CDK14: variants seen among roughly 807,000 people sequenced by gnomAD.
CDK14 encodes the protein cyclin-dependent kinase 14.
CDK14 carries 34 observed loss-of-function variants against 60.7 expected under a neutral mutation model. That is an observed-to-expected ratio of 0.56 (90% CI 0.43 to 0.75). CDK14 has a LOEUF of 0.75. Ranked by LOEUF, CDK14 falls within the 30% of genes least tolerant of loss-of-function variation. The pLI, the probability that CDK14 is intolerant of heterozygous loss-of-function variation, is 0.00. For missense variants in CDK14, 482 were observed against 564.1 expected, an observed-to-expected ratio of 0.85 and a Z score of 1.47; for synonymous variants, 197 against 203.7, an observed-to-expected ratio of 0.97 and a Z score of 0.28.
chr7:90,621,613 T>C (rs1170660984), intron 2 of CDK14, among the ~76,000 whole-genome samples: 5 of 128,266 alleles, frequency 3.9e-5, no homozygotes, highest in African/African-American at 9.0e-5. Flanking sequence ...TCAGACTTTT[T>C]TTCCTTCCTT....
intron 4 of CDK14, among the ~76,000 whole-genome samples, chr7:90,748,464 ATC>A (rs1803686057): frequency 6.6e-6 from 1 of 152,222 alleles, no homozygotes; most frequent in South Asian, 2.1e-4. Context: ...ACTTAATGCA[ATC>A]TCTGCAACAA....
At chr7:91,071,312 A>G (rs890950460) in intron 11 of CDK14, among the ~76,000 whole-genome samples, 1 of 152,232 alleles carries the variant, frequency 6.6e-6, no homozygotes, top group Middle Eastern at 3.2e-3. Flanking sequence ...ACAGCTTGCT[A>G]TCCTGCACTG....
chr7:90,740,269 A>AGG lies in CDK14; in HGVS notation c.370-7412_370-7411insGG, dbSNP rs1803291054. Among the ~76,000 whole-genome samples the AGG allele has an allele frequency of 9.9e-5, 6 of 60,846 alleles. No homozygotes were observed. The South Asian group carries it at 2.9e-3, about 30-fold the overall frequency. The allele number at this position is 60,846 out of a possible 152,430, so 39.9% of individuals were successfully genotyped here. On this transcript the variant is annotated intron_variant, in intron 3 of 14. Transcript: ENST00000380050. ...TGTGTGTGTGTATATATATATATATATAGAGAGAGAGAGAGAGAGAGAAAG... is the reference window on the plus strand; with the variant it reads ...TGTGTGTGTGTATATATATATATATAGGTAGAGAGAGAGAGAGAGAGAGAAAG...
At chr7:90,885,777 A>C (rs1791923921) in intron 6 of CDK14, among the ~76,000 whole-genome samples, 1 of 152,170 alleles carries the variant, frequency 6.6e-6, no homozygotes, top group Admixed American at 6.5e-5. Flanking sequence ...GATATGGATG[A>C]AACTGGAAGC....
intron 2 of CDK14, among the ~76,000 whole-genome samples, chr7:90,656,220 T>G (rs949174608): frequency 5.3e-5 from 8 of 152,182 alleles, no homozygotes; most frequent in African/African-American, 1.9e-4. Flanking sequence ...TGAAAGCATT[T>G]GAGTTACAAT....
chr7:90,713,057 C>T (rs956646526), intron 2 of CDK14, among the ~76,000 whole-genome samples: 1 of 152,104 alleles, frequency 6.6e-6, no homozygotes, highest in Non-Finnish European at 1.5e-5. Flanking sequence ...CAAGTATCCT[C>T]TGAGTTTGAC....
intron 8 of CDK14, among the ~76,000 whole-genome samples, chr7:90,940,881 C>T (rs986109091): frequency 1.3e-5 from 2 of 151,762 alleles, no homozygotes; most frequent in Non-Finnish European, 2.9e-5. Context: ...ATGATAAACA[C>T]CTAGAATAAA....
chr7:90,924,554 A>G (rs1254014223), intron 8 of CDK14, among the ~76,000 whole-genome samples: 1 of 152,230 alleles, frequency 6.6e-6, no homozygotes, highest in Non-Finnish European at 1.5e-5. Context: ...ACTATATGTC[A>G]ATATGCTTGA....
At chr7:90,834,957 C>G (rs544259303) in intron 5 of CDK14, among the ~76,000 whole-genome samples, 1 of 151,968 alleles carries the variant, frequency 6.6e-6, no homozygotes, top group Non-Finnish European at 1.5e-5. Context: ...TCTTTAAAAC[C>G]ACAGAAATAG....
chr7:90,767,356 A>G (rs1804607188), intron 4 of CDK14, among the ~76,000 whole-genome samples: 1 of 152,152 alleles, frequency 6.6e-6, no homozygotes, highest in Admixed American at 6.5e-5. Flanking sequence ...AATTTCTTGC[A>G]TAATTCTCTT....
At chr7:91,033,089 T>A (rs1007539387) in intron 10 of CDK14, among the ~76,000 whole-genome samples, 1 of 152,200 alleles carries the variant, frequency 6.6e-6, no homozygotes, top group African/African-American at 2.4e-5. Flanking sequence ...AGGATTTTCA[T>A]TGGCCTCAAG....
intron 11 of CDK14, among the ~76,000 whole-genome samples, chr7:91,065,662 G>C (rs1229112726): frequency 6.6e-6 from 1 of 152,202 alleles, no homozygotes; most frequent in African/African-American, 2.4e-5. Context: ...AAAAATTCTT[G>C]TGAATACTTG....
intron 2 of CDK14, among the ~76,000 whole-genome samples, chr7:90,624,477 G>A (rs1180423762): frequency 6.6e-6 from 1 of 152,200 alleles, no homozygotes. Context: ...TTACATAGCA[G>A]TGAGAAACAT....
Position 90,979,210 on chromosome 7 carries a change from C to T in CDK14, c.948-4938C>T, listed in dbSNP as rs1051066514. On this transcript the variant is annotated intron_variant, in intron 9 of 14. Coordinates refer to ENST00000380050, the MANE Select transcript of CDK14 (RefSeq NM_001287135.2). ...CGTATGTCACCAAATATTCTTCTTT[C>T]GATATTTTTCAACCATTTAAAAATG... Among the ~76,000 whole-genome samples, 10 of 152,176 alleles carry T rather than the reference C, an allele frequency of 6.6e-5. No individual in the cohort carries two copies. In the East Asian group the frequency reaches 7.7e-4, roughly 12 times the overall value.
At chr7:90,835,218 G>A (rs1481361078) in intron 5 of CDK14, among the ~76,000 whole-genome samples, 1 of 152,162 alleles carries the variant, frequency 6.6e-6, no homozygotes, top group Non-Finnish European at 1.5e-5. Context: ...GGATAAAGTG[G>A]GAGGTGATAG....
At chr7:90,612,633 G>A (rs1186631086) in intron 2 of CDK14, among the ~76,000 whole-genome samples, 1 of 152,036 alleles carries the variant, frequency 6.6e-6, no homozygotes, top group Non-Finnish European at 1.5e-5. Flanking sequence ...TTAGCTGGGT[G>A]TGGTGGTGGG....
At chr7:90,603,841 T>C (rs1393264286) in intron 1 of CDK14, among the ~76,000 whole-genome samples, 1 of 152,198 alleles carries the variant, frequency 6.6e-6, no homozygotes, top group African/African-American at 2.4e-5. Context: ...ATCCTAACAA[T>C]TGGTGATATC....
intron 5 of CDK14, among the ~76,000 whole-genome samples, chr7:90,823,879 A>G (rs180708457): frequency 5.4e-4 from 82 of 152,304 alleles, no homozygotes; most frequent in African/African-American, 1.8e-3. Flanking sequence ...CTGTATTTCT[A>G]TATTCTATAA....
intron 2 of CDK14, among the ~76,000 whole-genome samples, chr7:90,660,394 C>T (rs948379727): frequency 5.9e-5 from 9 of 152,170 alleles, no homozygotes; most frequent in African/African-American, 2.2e-4. Flanking sequence ...CCAGTTTCTT[C>T]CTCTGTAAGA....
Sources: gnomAD v4.1 joint callset for allele counts (sites outside exome capture counted in the v4.1 genomes callset) on GRCh38, gnomAD v4.1.1 for gene constraint, MANE v1.5 for transcripts, NCBI Gene and HGNC (gene_info 2026-07-23, HGNC 2026-07-21) for gene names.